Variants in PILRB observed in about 807,000 individuals in gnomAD.
The protein encoded by PILRB is paired immunoglobin like type 2 receptor beta.
In PILRB, 21 loss-of-function variants were observed where a neutral mutation model predicts 20.5. The observed-to-expected ratio is 1.02, with a 90% CI of 0.72 to 1.47. The LOEUF (loss-of-function observed/expected upper bound fraction) is 1.47. Among genes scored for constraint, PILRB ranks in the 40% most tolerant of loss-of-function variants. The pLI is 0.00. For missense variants in PILRB, 253 were observed against 272.1 expected, an observed-to-expected ratio of 0.93 and a Z score of 0.49; for synonymous variants, 133 against 115.1, an observed-to-expected ratio of 1.16 and a Z score of -0.99.
At chr7:100,362,489 C>T (rs902661322) in intron 3 of PILRB, among the ~76,000 whole-genome samples, 7 of 151,946 alleles carry the variant, frequency 4.6e-5, no homozygotes, top group African/African-American at 1.2e-4. Flanking sequence ...ACAGAAAAAA[C>T]ATTGGACAAG....
rs373581534 is a variant in PILRB at position 100,358,963 on chromosome 7, C to T, written c.338C>T (p.Ser113Leu). The T allele has an allele frequency of 9.9e-6, 16 of 1,613,992 alleles. No individual in the cohort carries two copies. Among genetic ancestry groups the T allele is most frequent in the Non-Finnish European group, 1.4e-5 (16 of 1,180,046 alleles). ...CAGGAGAGCGGCTTCCTCAGGATCT[C>T]AAACCTGCGGAAGGAGGACCAGTCT... is the stretch of plus-strand genomic sequence containing the variant. ...EGQESGFLRI[S>L]NLRKEDQSVY... The change falls in exon 2 of 4, where the codon TCA (serine) becomes TTA (leucine). Residue 113 changes from serine to leucine, a missense_variant. Transcript: ENST00000609309.
In PILRB at chr7:100,366,889, G is replaced by A. The variant is rs74540424; in HGVS notation, c.656-460G>A. The stretch of plus-strand genomic sequence containing the variant: ...TGCGGGGGCGGTTTCAGGAGATGAC[G>A]TGGTGGACAACAGGGAGAACAGGTC... On this transcript the variant is annotated intron_variant, in intron 3 of 3. Coordinates refer to ENST00000609309, the MANE Select transcript of PILRB (RefSeq NM_178238.4). 4.5e-3 allele frequency among the ~76,000 whole-genome samples: 686 copies of A among 152,230 alleles called. 12 individuals carry two copies. The highest frequency in any genetic ancestry group is 0.031 in the East Asian group (160 of 5,180).
At position 100,367,568 on chromosome 7, in the gene PILRB, A is replaced by T; in HGVS notation, c.*191A>T. ...ATCACCGACTGGAGGAGAGTTACCT[A>T]CAAGAGCCTTCATCCAGGAGCATCC... On this transcript the variant is annotated 3_prime_UTR_variant, in exon 4 of 4. Transcript: ENST00000609309. The T allele has an allele frequency of 1.7e-6, 1 of 605,800 alleles. No individual in the cohort carries two copies. Among genetic ancestry groups the T allele is most frequent in the Non-Finnish European group, 3.0e-6 (1 of 332,692 alleles). The allele number at this position is 605,800 out of a possible 1,614,324, so 37.5% of individuals were successfully genotyped here.
intron 3 of PILRB, among the ~76,000 whole-genome samples, chr7:100,360,296 G>T (rs931787897): frequency 6.6e-6 from 1 of 152,256 alleles, no homozygotes; most frequent in African/African-American, 2.4e-5. Flanking sequence ...AACTGGGGGT[G>T]TGGAGTTGTC....
rs1236733782 is a variant in PILRB at position 100,365,472 on chromosome 7, CAG to C, written c.656-1876_656-1875del. On this transcript the variant is annotated intron_variant, in intron 3 of 3. Transcript: ENST00000609309. The stretch of plus-strand genomic sequence containing the variant: ...AAACAGGAAGCAGAAAGGTGGTTGT[CAG>C]GGGCACAGAGGAGATGAGAATGGAG... 7.2e-5 allele frequency among the ~76,000 whole-genome samples: 11 copies of C among 152,220 alleles called. No individual in the cohort carries two copies. The East Asian group carries it at 1.5e-3, about 21-fold the overall frequency.
chr7:100,359,163 T>G (rs556456270), intron 2 of PILRB, 84 bp downstream of exon 2: 65 of 1,571,362 alleles, frequency 4.1e-5, no homozygotes, highest in Non-Finnish European at 5.5e-5. Context: ...TTAAACCCAG[T>G]GGTCTGGATT....
Position 100,367,545 on chromosome 7 carries a change from C to T in PILRB, c.*168C>T. 1 of 625,740 alleles carries T rather than the reference C, an allele frequency of 1.6e-6. No homozygotes were observed. Among genetic ancestry groups the T allele is most frequent in the South Asian group, 1.9e-5 (1 of 53,088 alleles). The allele number at this position is 625,740 out of a possible 1,614,324, so 38.8% of individuals were successfully genotyped here. On this transcript the variant is annotated 3_prime_UTR_variant, in exon 4 of 4. Coordinates refer to ENST00000609309, the MANE Select transcript of PILRB (RefSeq NM_178238.4). ...GCAGAAGGAGGCTGGGTCCCTGAAT[C>T]ACCGACTGGAGGAGAGTTACCTACA...
At position 100,367,415 on chromosome 7, in the gene PILRB, C is replaced by G. The variant is rs550426909; in HGVS notation, c.*38C>G. 1.3e-6 allele frequency: 1 copy of G among 780,466 alleles called. No individual in the cohort carries two copies. Among genetic ancestry groups the G allele is most frequent in the South Asian group, 1.3e-5 (1 of 74,614 alleles). 48.3% of individuals were successfully genotyped at this position (780,466 alleles called of 1,614,324 possible). Reference sequence around the variant, plus strand: ...GGGGAGAAGGGATGTGTATTAGCCCCGGAGGACGTGATGTGAGACCCGCTT... The same window carrying G: ...GGGGAGAAGGGATGTGTATTAGCCCGGGAGGACGTGATGTGAGACCCGCTT... On this transcript the variant is annotated 3_prime_UTR_variant, in exon 4 of 4. Coordinates refer to ENST00000609309, the MANE Select transcript of PILRB (RefSeq NM_178238.4).
intron 3 of PILRB, 25 bp downstream of exon 3, chr7:100,359,562 C>A (rs748207191): frequency 6.3e-7 from 1 of 1,595,480 alleles, no homozygotes; most frequent in South Asian, 1.1e-5. Flanking sequence ...CGCACTGTCT[C>A]CTCAAGCTTC....
intron 3 of PILRB, among the ~76,000 whole-genome samples, chr7:100,362,788 C>T (rs1790565580): frequency 6.6e-6 from 1 of 152,072 alleles, no homozygotes; most frequent in Non-Finnish European, 1.5e-5. Context: ...GCATTGCAGG[C>T]TGAGCCACGG....
At chr7:100,366,344 C>CA (rs1205322052) in intron 3 of PILRB, among the ~76,000 whole-genome samples, 1 of 151,962 alleles carries the variant, frequency 6.6e-6, no homozygotes, top group Non-Finnish European at 1.5e-5. Flanking sequence ...CATTAAAAAA[C>CA]AAAAAACCTG....
At chr7:100,365,587 G>A (rs969260371) in intron 3 of PILRB, among the ~76,000 whole-genome samples, 40 of 152,286 alleles carry the variant, frequency 2.6e-4, no homozygotes, top group African/African-American at 8.7e-4. Context: ...GGAAGGCTGA[G>A]GTAGGTGGAT....
At chr7:100,359,575 A>G in intron 3 of PILRB, 38 bp downstream of exon 3, 2 of 1,575,746 alleles carry the variant, frequency 1.3e-6, no homozygotes, top group Non-Finnish European at 1.7e-6. Context: ...CAAGCTTCCC[A>G]GCTGGGGGTT....
intron 3 of PILRB, among the ~76,000 whole-genome samples, chr7:100,360,806 A>G (rs2130102589): frequency 6.6e-6 from 1 of 152,348 alleles, no homozygotes; most frequent in African/African-American, 2.4e-5. Context: ...GGGAGCAGGA[A>G]GAAGCACCCG....
At chr7:100,364,194 C>G (rs1268694613) in intron 3 of PILRB, among the ~76,000 whole-genome samples, 1 of 151,966 alleles carries the variant, frequency 6.6e-6, no homozygotes, top group Admixed American at 6.6e-5. Flanking sequence ...TCAAATGATC[C>G]TCAACAAGGG....
chr7:100,358,671 C>G lies in PILRB; in HGVS notation c.65-19C>G, dbSNP rs757218730. 42 of 1,610,730 alleles carry G rather than the reference C, an allele frequency of 2.6e-5. No individual in the cohort carries two copies. Among genetic ancestry groups the G allele is most frequent in the Non-Finnish European group, 3.3e-5 (39 of 1,177,760 alleles). ...GTGGTTTCAAGGTCTCTCCCCCACT[C>G]ACTCCCTCCTTCCTCTAGGTGGCTC... On this transcript the variant is annotated intron_variant, in intron 1 of 3. Coordinates refer to ENST00000609309, the MANE Select transcript of PILRB (RefSeq NM_178238.4).
At position 100,359,418 on chromosome 7, in the gene PILRB, CAG is replaced by C; in HGVS notation, c.538_539del (p.Glu180IlefsTer40). On this transcript the variant is annotated frameshift_variant, in exon 3 of 4. Transcript: ENST00000609309. LOFTEE classifies it high-confidence loss of function. ...AGGGTCACAGAAAGCAAAGGGCACT[CAG>C]AATCATGGCACCTAAGTCTGGACAC... is the stretch of plus-strand genomic sequence containing the variant. The C allele has an allele frequency of 6.2e-7, 1 of 1,614,182 alleles. No individual in the cohort carries two copies. Among genetic ancestry groups the C allele is most frequent in the Non-Finnish European group, 8.5e-7 (1 of 1,180,004 alleles).
chr7:100,360,451 C>T lies in PILRB; in HGVS notation c.655+914C>T, dbSNP rs1014911950. Reference sequence around the variant, plus strand: ...TCAAAAAAGAAAAGAATTAGCCTGGCAAGAGGTGAGGATTGTGTAGAGGTC... The same window carrying T: ...TCAAAAAAGAAAAGAATTAGCCTGGTAAGAGGTGAGGATTGTGTAGAGGTC... On this transcript the variant is annotated intron_variant, in intron 3 of 3. Coordinates refer to ENST00000609309, the MANE Select transcript of PILRB (RefSeq NM_178238.4). 2.0e-5 allele frequency among the ~76,000 whole-genome samples: 3 copies of T among 152,236 alleles called. No individual in the cohort carries two copies. In the East Asian group the frequency reaches 5.8e-4, roughly 29 times the overall value.
chr7:100,362,938 T>C (rs1171665089), intron 3 of PILRB, among the ~76,000 whole-genome samples: 2 of 152,012 alleles, frequency 1.3e-5, no homozygotes, highest in Non-Finnish European at 2.9e-5. Context: ...GACTGAAATC[T>C]TTGCCTCCAA....
Sources: allele counts gnomAD v4.1 joint callset (sites outside exome capture counted in the v4.1 genomes callset), GRCh38; gene constraint gnomAD v4.1.1; transcripts MANE v1.5; gene names NCBI Gene and HGNC (gene_info 2026-07-23, HGNC 2026-07-21).